Variants in XYLB observed in about 807,000 individuals in gnomAD.
XYLB encodes the protein xylulose kinase.
Under a neutral mutation model 78.7 loss-of-function variants are expected in XYLB, and 62 were observed. The ratio of observed to expected loss-of-function variants is 0.79; its 90% CI spans 0.64 to 0.97. The LOEUF is 0.97. Ranked by LOEUF, XYLB falls within the 50% of genes least tolerant of loss-of-function variation. The pLI, the probability that XYLB is intolerant of heterozygous loss-of-function variation, is 0.00. For synonymous variants in XYLB, 245 were observed against 247.4 expected (o/e 0.99, Z 0.09); for missense variants, 687 against 676.8 (o/e 1.02, Z -0.17).
intron 15 of XYLB, among the ~76,000 whole-genome samples, chr3:38,392,889 C>G (rs141507967): frequency 2.0e-5 from 3 of 152,190 alleles, no homozygotes; most frequent in Non-Finnish European, 2.9e-5. Flanking sequence ...GATTTCCCCC[C>G]ACTCCAGTAT....
At chr3:38,443,285 C>T in the XYLB span, among the ~76,000 whole-genome samples, 367 of 152,284 alleles carry the variant, frequency 2.4e-3, no homozygotes, top group African/African-American at 8.6e-3. Context: ...GGTGCTTGTT[C>T]CAGGCACCCT....
the XYLB span, among the ~76,000 whole-genome samples, chr3:38,427,152 G>C: frequency 6.6e-6 from 1 of 152,200 alleles, no homozygotes; most frequent in Non-Finnish European, 1.5e-5. Context: ...CAGCTCTGAA[G>C]GCTGTCAGCC....
chr3:38,444,152 C>T, the XYLB span, among the ~76,000 whole-genome samples: 1 of 152,152 alleles, frequency 6.6e-6, no homozygotes, highest in Non-Finnish European at 1.5e-5. Context: ...AAGGTTTGCC[C>T]TAGACCCTGT....
chr3:38,404,918 G>A (rs971179285), intron 18 of XYLB, among the ~76,000 whole-genome samples: 1 of 152,166 alleles, frequency 6.6e-6, no homozygotes, highest in Non-Finnish European at 1.5e-5. Context: ...GTGTTTACTT[G>A]CGAGTCGCAG....
intron 2 of XYLB, among the ~76,000 whole-genome samples, chr3:38,351,935 G>A (rs748748121): frequency 6.6e-6 from 1 of 152,156 alleles, no homozygotes; most frequent in Non-Finnish European, 1.5e-5. Context: ...AGGGATATTG[G>A]GGTTGTTTCT....
intron 2 of XYLB, among the ~76,000 whole-genome samples, chr3:38,358,309 TTGTG>T (rs780269094): frequency 0.013 from 718 of 54,946 alleles, 8 homozygotes; most frequent in Admixed American, 0.023. Context: ...CAGTTTTGTT[TTGTG>T]TGTGTGTGTG....
intron 18 of XYLB, among the ~76,000 whole-genome samples, chr3:38,405,665 C>T (rs867880162): frequency 3.9e-5 from 6 of 152,242 alleles, no homozygotes; most frequent in Non-Finnish European, 5.9e-5. Flanking sequence ...CCTGGAAAAT[C>T]GGGTCACTCT....
intron 2 of XYLB, among the ~76,000 whole-genome samples, chr3:38,360,029 T>C (rs1427733664): frequency 6.6e-6 from 1 of 152,178 alleles, no homozygotes; most frequent in East Asian, 1.9e-4. Flanking sequence ...TCTCCAAACC[T>C]ATGGGGCTTG....
At chr3:38,432,843 G>A in the XYLB span, among the ~76,000 whole-genome samples, 1 of 152,242 alleles carries the variant, frequency 6.6e-6, no homozygotes. Context: ...GCTTTCACGG[G>A]CTGGTGTTGA....
chr3:38,357,867 A>T (rs1032486322), intron 2 of XYLB, among the ~76,000 whole-genome samples: 24 of 3,330 alleles, frequency 7.2e-3, no homozygotes, highest in East Asian at 0.33. Flanking sequence ...CCCTTTTTTA[A>T]AAAAAAACTG....
the XYLB span, among the ~76,000 whole-genome samples, chr3:38,430,960 T>C: frequency 6.6e-6 from 1 of 152,238 alleles, no homozygotes; most frequent in Admixed American, 6.5e-5. Flanking sequence ...TACTGTAGCC[T>C]TGTAGTATAG....
intron 16 of XYLB, 149 bp from the exon 17 acceptor site, chr3:38,396,923 G>A: frequency 1.3e-6 from 1 of 752,946 alleles, no homozygotes; most frequent in Non-Finnish European, 2.2e-6. Flanking sequence ...AGGGTAGCAT[G>A]ACCAAGCATA....
chr3:38,404,140 G>C (rs1450032675), intron 18 of XYLB, among the ~76,000 whole-genome samples: 9 of 152,190 alleles, frequency 5.9e-5, no homozygotes, highest in African/African-American at 2.2e-4. Flanking sequence ...AGAAATCAAA[G>C]CCCCTTAGCT....
At chr3:38,351,694 T>TA (rs1450774291) in intron 2 of XYLB, among the ~76,000 whole-genome samples, 1 of 152,216 alleles carries the variant, frequency 6.6e-6, no homozygotes, top group Non-Finnish European at 1.5e-5. Context: ...CCCATACCCC[T>TA]ACCCACTGGC....
chr3:38,357,688 A>C (rs1485610627), intron 2 of XYLB, among the ~76,000 whole-genome samples: 3 of 152,164 alleles, frequency 2.0e-5, no homozygotes, highest in Non-Finnish European at 4.4e-5. Flanking sequence ...ATCCTTGCTT[A>C]ACATTTATTA....
rs868085930 is a variant in XYLB at position 38,357,576 on chromosome 3, T to C, written c.141-2763T>C. The stretch of plus-strand genomic sequence containing the variant: ...TAATTTTTTGTATTTTTAGTAGAGA[T>C]GGGGTTTCACCGTGTTAGCCAGGAT... On this transcript the variant is annotated intron_variant, in intron 2 of 18. Coordinates refer to ENST00000207870, the MANE Select transcript of XYLB (RefSeq NM_005108.4). Among the ~76,000 whole-genome samples the C allele has an allele frequency of 4.5e-4, 68 of 152,198 alleles. No homozygotes were observed. The Middle Eastern group carries it at 0.01, about 23-fold the overall frequency.
intron 2 of XYLB, among the ~76,000 whole-genome samples, chr3:38,351,011 G>T (rs779661397): frequency 6.6e-5 from 10 of 151,226 alleles, no homozygotes; most frequent in Non-Finnish European, 1.3e-4. Context: ...GGACGTGGTG[G>T]CAGGCATGGT....
the XYLB span, among the ~76,000 whole-genome samples, chr3:38,434,329 G>A: frequency 6.6e-6 from 1 of 152,192 alleles, no homozygotes; most frequent in Non-Finnish European, 1.5e-5. Flanking sequence ...CAGGAGAAAA[G>A]CATCTATTAC....
At chr3:38,366,996 T>C in intron 7 of XYLB, 123 bp downstream of exon 7, 1 of 673,302 alleles carries the variant, frequency 1.5e-6, no homozygotes, top group Non-Finnish European at 2.6e-6. Flanking sequence ...ACAAATGATA[T>C]ATTTGATTTG....
Sources: gnomAD v4.1 joint callset for allele counts (sites outside exome capture counted in the v4.1 genomes callset) on GRCh38, gnomAD v4.1.1 for gene constraint, MANE v1.5 for transcripts, NCBI Gene and HGNC (gene_info 2026-07-23, HGNC 2026-07-21) for gene names.